KIF16B: variants seen among roughly 807,000 people sequenced by gnomAD.
KIF16B encodes the protein kinesin family member 16B, also known as kinesin-like protein KIF16B.
A neutral mutation model predicts 156.3 loss-of-function variants in KIF16B; 98 were observed. The observed-to-expected ratio is 0.63, with a 90% CI of 0.53 to 0.74. KIF16B has a LOEUF of 0.74. KIF16B is among the 30% of genes least tolerant of loss of function. The pLI, the probability that KIF16B is intolerant of heterozygous loss-of-function variation, is 0.00. For synonymous variants in KIF16B, 564 were observed against 583.7 expected (o/e 0.97, Z 0.49); for missense variants, 1,421 against 1,606.5 (o/e 0.88, Z 1.97).
intron 17 of KIF16B, among the ~76,000 whole-genome samples, chr20:16,401,530 T>C (rs1371581942): frequency 1.3e-5 from 2 of 152,238 alleles, no homozygotes; most frequent in African/African-American, 4.8e-5. Flanking sequence ...ACTAAAATTT[T>C]ATTCTTAATC....
At chr20:16,469,887 G>A (rs2067610025) in intron 12 of KIF16B, among the ~76,000 whole-genome samples, 1 of 152,118 alleles carries the variant, frequency 6.6e-6, no homozygotes, top group South Asian at 2.1e-4. Flanking sequence ...GCGTACAGGA[G>A]CTTTACTCAT....
chr20:16,297,326 A>G (rs1019179518), intron 25 of KIF16B, among the ~76,000 whole-genome samples: 1 of 152,228 alleles, frequency 6.6e-6, no homozygotes, highest in Non-Finnish European at 1.5e-5. Context: ...GCACTACTTC[A>G]ATACCATGGG....
Position 16,427,148 on chromosome 20 carries a change from G to A in KIF16B, c.1568C>T (p.Ser523Phe), listed in dbSNP as rs2066376069. The A allele has an allele frequency of 1.9e-6, 3 of 1,612,276 alleles. No homozygotes were observed. Among genetic ancestry groups the A allele is most frequent in the East Asian group, 4.5e-5 (2 of 44,810 alleles). The change falls in exon 15 of 26, where the codon TCT (serine) becomes TTT (phenylalanine). Residue 523 changes from serine (S) to phenylalanine (F), a missense_variant. Coordinates refer to ENST00000354981, the MANE Select transcript of KIF16B (RefSeq NM_024704.5). Reference sequence around the variant, plus strand: ...CTCCACGATCTGAACACCATTCACAGAGCACTGGGACCCACTCAGGGGTAT... The same window carrying A: ...CTCCACGATCTGAACACCATTCACAAAGCACTGGGACCCACTCAGGGGTAT... ...TLIPLSGSQC[S>F]VNGVQIVEAT...
intron 17 of KIF16B, among the ~76,000 whole-genome samples, chr20:16,401,061 A>C (rs1354480981): frequency 1.3e-5 from 2 of 150,370 alleles, no homozygotes; most frequent in South Asian, 4.3e-4. Context: ...GCAGGTGGCA[A>C]GTTGCAGGGG....
chr20:16,549,205 C>A (rs1281215198), intron 1 of KIF16B, among the ~76,000 whole-genome samples: 1 of 144,688 alleles, frequency 6.9e-6, no homozygotes, highest in African/African-American at 2.6e-5. Context: ...CCTACCCCAC[C>A]ACAGTCCCCA....
At chr20:16,384,835 T>C (rs986640820) in intron 17 of KIF16B, among the ~76,000 whole-genome samples, 2 of 152,044 alleles carry the variant, frequency 1.3e-5, no homozygotes, top group African/African-American at 4.8e-5. Context: ...GGACCACATT[T>C]CTCTTACAGA....
At chr20:16,275,382 A>T (rs1486774341) in intron 25 of KIF16B, among the ~76,000 whole-genome samples, 1 of 152,204 alleles carries the variant, frequency 6.6e-6, no homozygotes, top group Non-Finnish European at 1.5e-5. Context: ...CTTTAAATGT[A>T]TAACTTCATG....
intron 19 of KIF16B, among the ~76,000 whole-genome samples, chr20:16,377,950 T>C (rs995169465): frequency 1.3e-5 from 2 of 152,208 alleles, no homozygotes; most frequent in Admixed American, 6.5e-5. Context: ...AAAAATACTA[T>C]CAGTAAATCA....
intron 21 of KIF16B, 152 bp from the exon 22 acceptor site, chr20:16,370,788 C>T: frequency 1.7e-6 from 1 of 599,816 alleles, no homozygotes; most frequent in Non-Finnish European, 2.8e-6. Context: ...TTTACATCCC[C>T]AAGATAAACA....
intron 25 of KIF16B, among the ~76,000 whole-genome samples, chr20:16,276,196 T>G (rs1218178249): frequency 1.3e-5 from 2 of 152,118 alleles, no homozygotes; most frequent in African/African-American, 4.8e-5. Flanking sequence ...AGATGTTATA[T>G]CAGCATTTGT....
intron 25 of KIF16B, among the ~76,000 whole-genome samples, chr20:16,303,224 T>C (rs1410663862): frequency 6.6e-6 from 1 of 152,214 alleles, no homozygotes; most frequent in African/African-American, 2.4e-5. Context: ...ATAAAACTGA[T>C]TCACAGAGAA....
chr20:16,473,073 G>T (rs2067709364), intron 12 of KIF16B, among the ~76,000 whole-genome samples: 1 of 152,086 alleles, frequency 6.6e-6, no homozygotes, highest in Non-Finnish European at 1.5e-5. Context: ...AACCTACAAA[G>T]AATAAAAAGC....
chr20:16,513,683 A>G (rs970188969), intron 4 of KIF16B, among the ~76,000 whole-genome samples: 2 of 134,314 alleles, frequency 1.5e-5, no homozygotes, highest in Non-Finnish European at 1.6e-5. Context: ...AAAAAAAAAA[A>G]CCACATGCTA....
chr20:16,540,443 T>C (rs1175968644), intron 1 of KIF16B, among the ~76,000 whole-genome samples: 1 of 152,250 alleles, frequency 6.6e-6, no homozygotes, highest in African/African-American at 2.4e-5. Context: ...TTTGAAATTC[T>C]GGGTGGCTCT....
chr20:16,551,533 C>G (rs959588556), intron 1 of KIF16B, among the ~76,000 whole-genome samples: 3 of 152,186 alleles, frequency 2.0e-5, no homozygotes, highest in Non-Finnish European at 4.4e-5. Context: ...TCCCAAGGCC[C>G]TAAAGGTGTG....
intron 19 of KIF16B, among the ~76,000 whole-genome samples, chr20:16,378,078 T>C (rs573255373): frequency 5.7e-4 from 87 of 152,280 alleles, no homozygotes; most frequent in Non-Finnish European, 9.7e-4. Context: ...TGTGACTCAA[T>C]AGGGGTGGGA....
At position 16,527,236 on chromosome 20, in the gene KIF16B, G is replaced by A. The variant is rs575239214; in HGVS notation, c.118-1031C>T. Among the ~76,000 whole-genome samples the A allele has an allele frequency of 3.3e-5, 5 of 152,336 alleles. No individual in the cohort carries two copies. The East Asian group carries it at 9.7e-4, about 29-fold the overall frequency. Reference sequence around the variant, plus strand: ...AGGCACAAGGGTTGTGCTAAGCAGAGGAAGAAAGGCATCCAGTGGAGAATG... The same window carrying A: ...AGGCACAAGGGTTGTGCTAAGCAGAAGAAGAAAGGCATCCAGTGGAGAATG... On this transcript the variant is annotated intron_variant, in intron 2 of 25. Transcript: ENST00000354981.
chr20:16,315,617 C>T (rs1356101541), intron 24 of KIF16B, among the ~76,000 whole-genome samples: 3 of 152,166 alleles, frequency 2.0e-5, no homozygotes, highest in African/African-American at 4.8e-5. Context: ...CAACGGGACC[C>T]TGCTGAGGAC....
At position 16,280,841 on chromosome 20, in the gene KIF16B, C is replaced by CGCGTGTGTGTGTGT. The variant is rs112026824; in HGVS notation, c.3796-7431_3796-7430insACACACACACACGC. On this transcript the variant is annotated intron_variant, in intron 25 of 25. Transcript: ENST00000354981. The stretch of plus-strand genomic sequence containing the variant: ...ATTTCAGTCAACTGCTGCGCGCGCA[C>CGCGTGTGTGTGTGT]GTGTGTGTGTGTGTGTGTGTGTGTG... Among the ~76,000 whole-genome samples, 343 of 74,452 alleles carry CGCGTGTGTGTGTGT rather than the reference C, an allele frequency of 4.6e-3. 1 individual carries two copies. In the East Asian group the frequency reaches 0.13, roughly 28 times the overall value. The allele number at this position is 74,452 out of a possible 152,430, so 48.8% of individuals were successfully genotyped here.
Sources: gnomAD v4.1 joint callset for allele counts (sites outside exome capture counted in the v4.1 genomes callset) on GRCh38, gnomAD v4.1.1 for gene constraint, MANE v1.5 for transcripts, NCBI Gene and HGNC (gene_info 2026-07-23, HGNC 2026-07-21) for gene names.